The following GDF6 variants were observed in gnomAD, a reference collection of about 807,000 sequenced individuals.
GDF6 encodes growth/differentiation factor 6.
Under a neutral mutation model 32.4 loss-of-function variants are expected in GDF6, and 3 were observed. The ratio of observed to expected loss-of-function variants is 0.09; its 90% CI spans 0.04 to 0.24. The LOEUF (loss-of-function observed/expected upper bound fraction) is 0.24. Among genes scored for constraint, GDF6 ranks in the 10% least tolerant of loss-of-function variants. The probability of loss-of-function intolerance (pLI) is 1.00; values close to 1 mark genes in which losing one functional copy is unlikely to be tolerated. For synonymous variants in GDF6, 296 were observed against 295.3 expected (o/e 1.00, Z -0.03); for missense variants, 589 against 637.9 (o/e 0.92, Z 0.83).
chr8:96,147,023 A>T (rs1422571954), intron 1 of GDF6, among the ~76,000 whole-genome samples: 1 of 152,224 alleles, frequency 6.6e-6, no homozygotes, highest in Admixed American at 6.5e-5. Context: ...CCCAGCAAAT[A>T]CAAAAATCCC....
At chr8:96,154,318 C>A (rs942148524) in intron 1 of GDF6, among the ~76,000 whole-genome samples, 1 of 152,174 alleles carries the variant, frequency 6.6e-6, no homozygotes, top group Non-Finnish European at 1.5e-5. Flanking sequence ...GCCCGCCGCC[C>A]GCCCCTTCCA....
intron 1 of GDF6, among the ~76,000 whole-genome samples, chr8:96,151,864 G>T (rs953005653): frequency 6.6e-6 from 1 of 152,144 alleles, no homozygotes; most frequent in Non-Finnish European, 1.5e-5. Flanking sequence ...ATCTCTCCCA[G>T]CCTCATATGC....
At chr8:96,147,735 C>G (rs1465208924) in intron 1 of GDF6, among the ~76,000 whole-genome samples, 1 of 152,238 alleles carries the variant, frequency 6.6e-6, no homozygotes, top group African/African-American at 2.4e-5. Context: ...ACCCCACTGC[C>G]TCTCCACTGT....
chr8:96,158,455 C>G lies in GDF6; in HGVS notation c.406+1832G>C, dbSNP rs146673695. On this transcript the variant is annotated intron_variant, in intron 1 of 1. Transcript: ENST00000287020. Reference sequence around the variant, plus strand: ...GACACCTCCGAACAGCCCGCAGGGTCTTTTGGTCCTGTGCCAAATTCACAG... The same window carrying G: ...GACACCTCCGAACAGCCCGCAGGGTGTTTTGGTCCTGTGCCAAATTCACAG... 6.3e-3 allele frequency among the ~76,000 whole-genome samples: 956 copies of G among 152,320 alleles called. 10 individuals are homozygous for G. The highest frequency in any genetic ancestry group is 0.021 in the African/African-American group (891 of 41,576).
chr8:96,146,172 A>G (rs1293040833), intron 1 of GDF6, among the ~76,000 whole-genome samples: 1 of 152,088 alleles, frequency 6.6e-6, no homozygotes, highest in Admixed American at 6.5e-5. Context: ...CCTGACCTGG[A>G]GCACACGCCG....
In GDF6 at chr8:96,144,304, A is replaced by T. The variant is rs1397268578; in HGVS notation, c.*259T>A. ...AGAGAGAGAGAGAAAACAGAACAAA[A>T]GAAATCCTCCTTGGCTTGTTTTTCC... On this transcript the variant is annotated 3_prime_UTR_variant, in exon 2 of 2. Coordinates refer to ENST00000287020, the MANE Select transcript of GDF6 (RefSeq NM_001001557.4). This position sits in a 1 kb window ranked among gnomAD's most constrained non-coding sequence, Gnocchi z 5.1. 1 of 528,118 alleles carries T rather than the reference A, an allele frequency of 1.9e-6. No individual in the cohort carries two copies. The highest frequency in any genetic ancestry group is 3.4e-6 in the Non-Finnish European group (1 of 293,006). The allele number at this position is 528,118 out of a possible 1,614,324, so 32.7% of individuals were successfully genotyped here. A position where few individuals can be genotyped will look rare whatever the true frequency, so the allele number is the denominator to read the frequency against.
intron 1 of GDF6, among the ~76,000 whole-genome samples, chr8:96,152,604 G>T (rs964224769): frequency 3.9e-5 from 6 of 152,198 alleles, no homozygotes; most frequent in Admixed American, 6.5e-5. Context: ...TGCAGCATGA[G>T]GCCAGGCCTG....
In GDF6 at chr8:96,144,329, C is replaced by A; in HGVS notation, c.*234G>T. 1 of 481,654 alleles carries A rather than the reference C, an allele frequency of 2.1e-6. No homozygotes were observed. Among genetic ancestry groups the A allele is most frequent in the African/African-American group, 2.1e-5 (1 of 48,670 alleles). 29.8% of individuals were successfully genotyped at this position (481,654 alleles called of 1,614,324 possible). On this transcript the variant is annotated 3_prime_UTR_variant, in exon 2 of 2. Transcript: ENST00000287020. This position sits in a 1 kb window ranked among gnomAD's most constrained non-coding sequence, Gnocchi z 5.1. ...AGAAATCCTCCTTGGCTTGTTTTTCCAGGGTGGCCAGGCAAGGTGTGAAAA... is the reference window on the plus strand; with the variant it reads ...AGAAATCCTCCTTGGCTTGTTTTTCAAGGGTGGCCAGGCAAGGTGTGAAAA...
At chr8:96,150,483 C>T (rs181959970) in intron 1 of GDF6, among the ~76,000 whole-genome samples, 2 of 152,234 alleles carry the variant, frequency 1.3e-5, no homozygotes, top group Middle Eastern at 3.2e-3. Flanking sequence ...AGGGCACCAC[C>T]TTTGTGCTAG....
chr8:96,145,165 G>C lies in GDF6; in HGVS notation c.766C>G (p.Pro256Ala), dbSNP rs1812453687. 2 of 1,501,122 alleles carry C rather than the reference G, an allele frequency of 1.3e-6. No homozygotes were observed. Among genetic ancestry groups the C allele is most frequent in the East Asian group, 5.3e-5 (2 of 37,414 alleles). The allele number at this position is 1,501,122 out of a possible 1,614,324, so 93.0% of individuals were successfully genotyped here. The change falls in exon 2 of 2, where the codon CCG (proline) becomes GCG (alanine). Residue 256 changes from proline to alanine, a missense_variant. Transcript: ENST00000287020. The surrounding 1 kb of genome is among the most constrained non-coding windows in gnomAD (Gnocchi z 5.6). ...EARARGPQQP[P>A]PPDLRSLGFG... ...CCCAGACTCCGCAGGTCCGGGGGCG[G>C]CGGTTGCTGGGGTCCCCGCGCGCGC...
chr8:96,146,703 C>CAGAGAG (rs201295376), intron 1 of GDF6, among the ~76,000 whole-genome samples: 13 of 134,532 alleles, frequency 9.7e-5, no homozygotes, highest in Admixed American at 2.8e-4. Flanking sequence ...CACACACACA[C>CAGAGAG]ACACAGAGAG....
At chr8:96,148,214 C>T (rs1274224241) in intron 1 of GDF6, among the ~76,000 whole-genome samples, 1 of 152,232 alleles carries the variant, frequency 6.6e-6, no homozygotes, top group Non-Finnish European at 1.5e-5. Flanking sequence ...TCCACACTAG[C>T]TCCATCACCT....
chr8:96,146,707 C>CACACACAGAGAG (rs367654279), intron 1 of GDF6, among the ~76,000 whole-genome samples: 4 of 139,920 alleles, frequency 2.9e-5, no homozygotes, highest in African/African-American at 1.1e-4. Context: ...CACACACACA[C>CACACACAGAGAG]AGAGAGAGAG....
intron 1 of GDF6, among the ~76,000 whole-genome samples, chr8:96,159,337 A>G (rs1223085481): frequency 1.3e-5 from 2 of 152,034 alleles, no homozygotes; most frequent in African/African-American, 4.8e-5. Context: ...TTCTGGGACC[A>G]GAGGTGGTGC....
At position 96,160,358 on chromosome 8, in the gene GDF6, C is replaced by G. The variant is rs575981211; in HGVS notation, c.335G>C (p.Gly112Ala). ...YRTYSIAEKLGINASFFQSSK... is the reference protein window; with the variant it reads ...YRTYSIAEKLAINASFFQSSK... ...AGACTGGAAAAAGCTGGCATTGATG[C>G]CCAGCTTCTCAGCGATGGAGTAAGT... The change falls in exon 1 of 2, where the codon GGC becomes GCC. Residue 112 changes from glycine to alanine, a missense_variant. Physicochemically the swap from Gly to Ala is moderately conservative, Grantham distance 60. Around this residue, in one of 2 missense-constraint regions of GDF6, gnomAD observed 436 missense variants for 411.2 expected, o/e 1.06. Transcript: ENST00000287020. The G allele has an allele frequency of 2.0e-5, 33 of 1,614,134 alleles. No homozygotes were observed. In the East Asian group the frequency reaches 7.1e-4, roughly 35 times the overall value.
Position 96,160,467 on chromosome 8 carries a change from G to A in GDF6, c.226C>T (p.Arg76Trp). The change falls in exon 1 of 2, where the codon CGG (arginine) becomes TGG (tryptophan). Residue 76 changes from arginine (R) to tryptophan (W), a missense_variant. By Grantham distance (101) the Arg-to-Trp change is moderately radical. This residue lies in a region of GDF6 where 436 missense variants were observed against 411.2 expected (regional missense o/e 1.06). Coordinates refer to ENST00000287020, the MANE Select transcript of GDF6 (RefSeq NM_001001557.4). ...EPQPRPQDEP[R>W]AQQPRAQEPP... ...TCCTGCGCCCGGGGCTGCTGAGCCC[G>A]GGGTTCGTCCTGAGGCCGCGGCTGT... is the stretch of plus-strand genomic sequence containing the variant. 1 of 1,613,244 alleles carries A rather than the reference G, an allele frequency of 6.2e-7. No homozygotes were observed. The highest frequency in any genetic ancestry group is 8.5e-7 in the Non-Finnish European group (1 of 1,179,612).
intron 1 of GDF6, among the ~76,000 whole-genome samples, chr8:96,156,842 A>G (rs1005777172): frequency 5.9e-5 from 9 of 152,154 alleles, no homozygotes; most frequent in Admixed American, 3.3e-4. Flanking sequence ...AGACTGGGGG[A>G]AAATCTTTCC....
At chr8:96,159,199 G>T (rs116484508) in intron 1 of GDF6, among the ~76,000 whole-genome samples, 1 of 152,142 alleles carries the variant, frequency 6.6e-6, no homozygotes, top group Non-Finnish European at 1.5e-5. Flanking sequence ...CTTTTATCCC[G>T]TCATTTTCTT....
In GDF6 at chr8:96,142,385, G is replaced by A. The variant is rs532947177; in HGVS notation, c.*2178C>T. The A allele has an allele frequency of 2.0e-5, 3 of 152,234 alleles. No homozygotes were observed. In the South Asian group the frequency reaches 6.2e-4, roughly 32 times the overall value. The allele number at this position is 152,234 out of a possible 1,614,324, so 9.4% of individuals were successfully genotyped here. ...TAGCATTCGATTGCATATCATCCAGGAAAGGTGTACTGTAAAAAATGTTTT... is the reference window on the plus strand; with the variant it reads ...TAGCATTCGATTGCATATCATCCAGAAAAGGTGTACTGTAAAAAATGTTTT... On this transcript the variant is annotated 3_prime_UTR_variant, in exon 2 of 2. Coordinates refer to ENST00000287020, the MANE Select transcript of GDF6 (RefSeq NM_001001557.4).
Sources: allele counts gnomAD v4.1 joint callset (sites outside exome capture counted in the v4.1 genomes callset), GRCh38; gene constraint gnomAD v4.1.1; regional missense constraint gnomAD v4.1.1; non-coding constraint Gnocchi (gnomAD v3.1); transcripts MANE v1.5; gene names NCBI Gene and HGNC (gene_info 2026-07-23, HGNC 2026-07-21).